The following TENM1 variants were observed in gnomAD, a reference collection of about 807,000 sequenced individuals.
TENM1 encodes teneurin transmembrane protein 1, also known as teneurin-1.
A neutral mutation model predicts 174.8 loss-of-function variants in TENM1; 35 were observed. That is an observed-to-expected ratio of 0.20 (90% confidence interval 0.15 to 0.27). TENM1 has a LOEUF of 0.27. Among genes scored for constraint, TENM1 ranks in the 10% least tolerant of loss-of-function variants. TENM1 has a pLI of 1.00. For missense variants in TENM1, 1,633 were observed against 2,130.1 expected, an observed-to-expected ratio of 0.77 and a Z score of 4.59; for synonymous variants, 781 against 798.7, an observed-to-expected ratio of 0.98 and a Z score of 0.37.
intron 28 of TENM1, among the ~76,000 whole-genome samples, chrX:124,389,603 C>G (rs1228038835): frequency 2.7e-5 from 3 of 110,415 alleles, no homozygotes; most frequent in Non-Finnish European, 5.7e-5. Flanking sequence ...CTTTAATTTC[C>G]TCCCTCCCTC....
intron 3 of TENM1, among the ~76,000 whole-genome samples, chrX:124,849,935 TC>T (rs2056686597): frequency 1.8e-5 from 2 of 111,789 alleles, no homozygotes; most frequent in Non-Finnish European, 3.8e-5. Context: ...TAAATCACTT[TC>T]TATATGTTAG....
chrX:124,540,158 G>A (rs1398467957), intron 15 of TENM1, among the ~76,000 whole-genome samples: 3 of 112,080 alleles, frequency 2.7e-5, no homozygotes, highest in Non-Finnish European at 5.6e-5. Context: ...CCACTACAAT[G>A]TAAACTCTGA....
the TENM1 span, among the ~76,000 whole-genome samples, chrX:125,056,400 T>G: frequency 8.9e-6 from 1 of 111,982 alleles, no homozygotes; most frequent in Non-Finnish European, 1.9e-5. Context: ...TAAGCTAAAC[T>G]GAAACAACTT....
the TENM1 span, among the ~76,000 whole-genome samples, chrX:125,074,794 A>C: frequency 2.7e-5 from 3 of 110,350 alleles, no homozygotes; most frequent in African/African-American, 9.9e-5. Context: ...TGCCCATACT[A>C]TTTTCCTATT....
Position 124,798,627 on chromosome X carries a change from ATTCTGTAGGTT to A in TENM1, c.536-61441_536-61431del, listed in dbSNP as rs1467759728. 3.6e-5 allele frequency among the ~76,000 whole-genome samples: 4 copies of A among 110,997 alleles called. No homozygotes were observed. The East Asian group carries it at 1.1e-3, about 31-fold the overall frequency. On this transcript the variant is annotated intron_variant, in intron 3 of 31. Coordinates refer to ENST00000422452, the Ensembl canonical transcript of TENM1. Reference sequence around the variant, plus strand: ...GGGTAGATTGCAAAAATATTCTCCTATTCTGTAGGTTGCCTGTTCACTCTAATGATAGTTTC... The same window carrying A: ...GGGTAGATTGCAAAAATATTCTCCTAGCCTGTTCACTCTAATGATAGTTTC...
At chrX:124,440,540 A>G (rs1309718061) in intron 23 of TENM1, among the ~76,000 whole-genome samples, 2 of 111,927 alleles carry the variant, frequency 1.8e-5, no homozygotes, top group Non-Finnish European at 3.8e-5. Context: ...ATCCAAAATT[A>G]TACAGAACCT....
chrX:124,713,937 T>C (rs967586165), intron 4 of TENM1, among the ~76,000 whole-genome samples: 5 of 112,467 alleles, frequency 4.4e-5, no homozygotes, highest in African/African-American at 1.6e-4. Context: ...AAATAGTTGA[T>C]TCACATTTCA....
At chrX:124,604,574 A>G (rs1391838693) in intron 11 of TENM1, among the ~76,000 whole-genome samples, 1 of 111,494 alleles carries the variant, frequency 9.0e-6, no homozygotes, top group Non-Finnish European at 1.9e-5. Context: ...TGGGAGTCCC[A>G]GATCTGCTAC....
intron 15 of TENM1, 84 bp from the exon 19 acceptor site, chrX:124,530,067 T>G: frequency 9.6e-7 from 1 of 1,037,058 alleles, no homozygotes; most frequent in Non-Finnish European, 1.3e-6. Context: ...TGGAAAACAG[T>G]CAAGTATAAC....
At chrX:124,940,692 T>C (rs893829110) in intron 1 of TENM1, among the ~76,000 whole-genome samples, 2 of 111,248 alleles carry the variant, frequency 1.8e-5, no homozygotes. Context: ...TCCCTGAATC[T>C]TGGCAGACGA....
At chrX:124,790,611 A>G (rs919565740) in intron 3 of TENM1, among the ~76,000 whole-genome samples, 34 of 111,884 alleles carry the variant, frequency 3.0e-4, no homozygotes, top group Non-Finnish European at 6.0e-4. Flanking sequence ...AAGTAAAGTT[A>G]ATGGAAAAGA....
chrX:124,870,405 A>C (rs764367383), intron 3 of TENM1, among the ~76,000 whole-genome samples: 5 of 111,778 alleles, frequency 4.5e-5, no homozygotes, highest in African/African-American at 1.6e-4. Flanking sequence ...TAAATTATAT[A>C]GAGGTTCATA....
chrX:124,563,364 T>A (rs1259626659), intron 13 of TENM1, among the ~76,000 whole-genome samples: 1 of 101,928 alleles, frequency 9.8e-6, no homozygotes, highest in Non-Finnish European at 1.9e-5. Context: ...TGAACCAAAT[T>A]ATTTAATAAT....
chrX:124,546,370 A>C (rs2148118349), intron 15 of TENM1, among the ~76,000 whole-genome samples: 1 of 111,636 alleles, frequency 9.0e-6, no homozygotes. Context: ...TAAAAAAATT[A>C]TTTGCCTTAT....
chrX:124,955,537 C>T (rs991442582), intron 1 of TENM1, among the ~76,000 whole-genome samples: 1 of 111,321 alleles, frequency 9.0e-6, no homozygotes, highest in Non-Finnish European at 1.9e-5. Flanking sequence ...ATTGCTTCTG[C>T]CCACTATTTT....
At chrX:124,610,938 G>A (rs1280063063) in intron 11 of TENM1, among the ~76,000 whole-genome samples, 2 of 111,108 alleles carry the variant, frequency 1.8e-5, no homozygotes, top group Admixed American at 1.9e-4. Flanking sequence ...AAAGTCACGG[G>A]TTACTCAGTA....
the TENM1 span, among the ~76,000 whole-genome samples, chrX:125,195,998 GAAGAA>G: frequency 9.9e-6 from 1 of 100,872 alleles, no homozygotes; most frequent in Non-Finnish European, 2.0e-5. Context: ...AGGAGGGAAG[GAAGAA>G]AAGAAGGAAC....
exon 1 of TENM1, chrX:124,963,667 C>T (rs756795765): frequency 1.7e-6 from 2 of 1,211,583 alleles, no homozygotes; most frequent in Non-Finnish European, 2.2e-6. Flanking sequence ...CATCTTCACT[C>T]TCATCAGAAG....
At chrX:124,452,900 T>C (rs1417409874) in intron 23 of TENM1, among the ~76,000 whole-genome samples, 2 of 105,971 alleles carry the variant, frequency 1.9e-5, no homozygotes, top group Non-Finnish European at 3.9e-5. Context: ...TTAGGAGATA[T>C]ACCTAATGTA....
Sources: gnomAD v4.1 joint callset for allele counts (sites outside exome capture counted in the v4.1 genomes callset) on GRCh38, gnomAD v4.1.1 for gene constraint, MANE v1.5 for transcripts, NCBI Gene and HGNC (gene_info 2026-07-23, HGNC 2026-07-21) for gene names.